The following ATP13A4 variants were observed in gnomAD, a reference collection of about 807,000 sequenced individuals.
The protein encoded by ATP13A4 is ATPase 13A4, also known as probable cation-transporting ATPase 13A4.
Under a neutral mutation model 142.5 loss-of-function variants are expected in ATP13A4, and 114 were observed. The ratio of observed to expected loss-of-function variants is 0.80; its 90% CI spans 0.69 to 0.93. The LOEUF is 0.93. Ranked by LOEUF, ATP13A4 falls within the 40% of genes least tolerant of loss-of-function variation. The pLI is 0.00. For missense variants in ATP13A4, 1,392 were observed against 1,454.0 expected, an observed-to-expected ratio of 0.96 and a Z score of 0.69; for synonymous variants, 488 against 514.8, an observed-to-expected ratio of 0.95 and a Z score of 0.70.
At chr3:193,572,796 C>T (rs2108742033) in intron 2 of ATP13A4, among the ~76,000 whole-genome samples, 1 of 151,884 alleles carries the variant, frequency 6.6e-6, no homozygotes, top group African/African-American at 2.4e-5. Flanking sequence ...ATGTAAAGGG[C>T]AGGAGGGCAG....
At chr3:193,473,427 G>A (rs1718736462) in intron 8 of ATP13A4, among the ~76,000 whole-genome samples, 1 of 152,118 alleles carries the variant, frequency 6.6e-6, no homozygotes, top group African/African-American at 2.4e-5. Flanking sequence ...CATTAGAAAA[G>A]TCATCATTTG....
At chr3:193,495,347 C>G (rs557552219) in intron 3 of ATP13A4, among the ~76,000 whole-genome samples, 11 of 152,070 alleles carry the variant, frequency 7.2e-5, no homozygotes, top group African/African-American at 2.6e-4. Flanking sequence ...CAAAAATTGT[C>G]AACAAAATTA....
intron 1 of ATP13A4, among the ~76,000 whole-genome samples, chr3:193,537,589 A>C (rs958949471): frequency 3.3e-5 from 5 of 152,206 alleles, no homozygotes; most frequent in Non-Finnish European, 4.4e-5. Context: ...AAAAATTGAC[A>C]AATTGGACTT....
chr3:193,515,020 G>A, intron 1 of ATP13A4, 149 bp from the exon 2 acceptor site: 1 of 824,106 alleles, frequency 1.2e-6, no homozygotes, highest in East Asian at 2.7e-5. Context: ...AGAGAGTGGA[G>A]AGGAAATCTT....
At chr3:193,552,420 G>A (rs924372637) in intron 1 of ATP13A4, among the ~76,000 whole-genome samples, 4 of 152,116 alleles carry the variant, frequency 2.6e-5, no homozygotes, top group Admixed American at 6.5e-5. Context: ...GAGAAATTAC[G>A]TTTGCAAAGG....
At chr3:193,587,315 C>G (rs1724688847) in intron 1 of ATP13A4, among the ~76,000 whole-genome samples, 1 of 152,234 alleles carries the variant, frequency 6.6e-6, no homozygotes, top group Admixed American at 6.5e-5. Context: ...TTGCTTATTC[C>G]ATCTTCTGGT....
At chr3:193,581,050 C>T (rs1321075360) in intron 2 of ATP13A4, among the ~76,000 whole-genome samples, 1 of 152,114 alleles carries the variant, frequency 6.6e-6, no homozygotes, top group Non-Finnish European at 1.5e-5. Context: ...TTGCTCACAT[C>T]GTTAACCTAT....
At chr3:193,559,049 G>C (rs993318810), upstream of ATP13A4, among the ~76,000 whole-genome samples, 1 of 152,218 alleles carries the variant, frequency 6.6e-6, no homozygotes, top group South Asian at 2.1e-4. Flanking sequence ...TTCTCTGCCA[G>C]GGCCGTGGGG....
chr3:193,541,213 C>T (rs1168744245), intron 1 of ATP13A4, among the ~76,000 whole-genome samples: 3 of 137,590 alleles, frequency 2.2e-5, no homozygotes, highest in South Asian at 2.3e-4. Flanking sequence ...CGAGCCACTG[C>T]ACTCCAGCCT....
chr3:193,554,942 A>G (rs775369551), upstream of ATP13A4: 30 of 1,591,236 alleles, frequency 1.9e-5, no homozygotes, highest in Admixed American at 3.4e-5. Flanking sequence ...TTGAGCACAC[A>G]CCTTCTCTCA....
At chr3:193,420,055 C>T (rs867555213) in intron 25 of ATP13A4, among the ~76,000 whole-genome samples, 1 of 149,944 alleles carries the variant, frequency 6.7e-6, no homozygotes, top group African/African-American at 2.5e-5. Flanking sequence ...GTACCCTGCT[C>T]CCTGGTCCCA....
chr3:193,461,990 G>C lies in ATP13A4; in HGVS notation c.1523+772C>G, dbSNP rs1213767658. Among the ~76,000 whole-genome samples, 10 of 152,272 alleles carry C rather than the reference G, an allele frequency of 6.6e-5. No homozygotes were observed. In the East Asian group the frequency reaches 1.9e-3, roughly 29 times the overall value. On this transcript the variant is annotated intron_variant, in intron 13 of 29. Coordinates refer to ENST00000342695, the MANE Select transcript of ATP13A4 (RefSeq NM_032279.4). Reference sequence around the variant, plus strand: ...TAATCCCAACACTTCAGGAGGCCGAGGTGGACGGATCACCTGAGGTCAGGA... The same window carrying C: ...TAATCCCAACACTTCAGGAGGCCGACGTGGACGGATCACCTGAGGTCAGGA...
chr3:193,577,641 T>C (rs1052485006), intron 2 of ATP13A4, among the ~76,000 whole-genome samples: 3 of 152,220 alleles, frequency 2.0e-5, no homozygotes, highest in Non-Finnish European at 2.9e-5. Context: ...GAAACCATAC[T>C]GTCTACACTG....
At chr3:193,550,362 A>G (rs902340603) in intron 1 of ATP13A4, among the ~76,000 whole-genome samples, 1 of 144,820 alleles carries the variant, frequency 6.9e-6, no homozygotes, top group African/African-American at 2.6e-5. Flanking sequence ...GCTGGAGTGC[A>G]CTGATATGAT....
rs1405208501 is a variant in ATP13A4 at position 193,474,498 on chromosome 3, T to C, written c.809-3505A>G. Among the ~76,000 whole-genome samples, 5 of 149,702 alleles carry C rather than the reference T, an allele frequency of 3.3e-5. No individual in the cohort carries two copies. In the East Asian group the frequency reaches 7.8e-4, roughly 23 times the overall value. On this transcript the variant is annotated intron_variant, in intron 8 of 29. Coordinates refer to ENST00000342695, the MANE Select transcript of ATP13A4 (RefSeq NM_032279.4). ...CTGCAGTGAGCTATGACTGCACCAT[T>C]GCACTCCAGTTGGGCAACAGTGCAA...
intron 3 of ATP13A4, among the ~76,000 whole-genome samples, chr3:193,500,923 C>T (rs528408970): frequency 6.6e-6 from 1 of 152,026 alleles, no homozygotes; most frequent in East Asian, 1.9e-4. Context: ...TCATAACAGC[C>T]CTGAGAAAGG....
intron 2 of ATP13A4, among the ~76,000 whole-genome samples, chr3:193,560,438 G>A (rs1186159385): frequency 6.6e-6 from 1 of 152,092 alleles, no homozygotes; most frequent in Non-Finnish European, 1.5e-5. Context: ...TGAACCCTGA[G>A]CAAAAGCCAT....
intron 8 of ATP13A4, 73 bp from the exon 9 acceptor site, chr3:193,471,066 T>C: frequency 1.9e-6 from 3 of 1,592,548 alleles, no homozygotes; most frequent in South Asian, 2.2e-5. Context: ...CTATTTAACT[T>C]GGATATCAAT....
chr3:193,440,445 G>A lies in ATP13A4; in HGVS notation c.2519+113C>T, dbSNP rs756391116. On this transcript the variant is annotated intron_variant, in intron 21 of 29. Coordinates refer to ENST00000342695, the MANE Select transcript of ATP13A4 (RefSeq NM_032279.4). Reference sequence around the variant, plus strand: ...TCCCAAGTGATTATCTCATGCAGCCGAAGTACGGACCACTGCCCTTGTCAA... The same window carrying A: ...TCCCAAGTGATTATCTCATGCAGCCAAAGTACGGACCACTGCCCTTGTCAA... 691 of 1,557,230 alleles carry A rather than the reference G, an allele frequency of 4.4e-4. 4 individuals are homozygous for A. The highest frequency in any genetic ancestry group is 5.7e-4 in the East Asian group (25 of 43,536).
Sources: gnomAD v4.1 joint callset for allele counts (sites outside exome capture counted in the v4.1 genomes callset) on GRCh38, gnomAD v4.1.1 for gene constraint, MANE v1.5 for transcripts, NCBI Gene and HGNC (gene_info 2026-07-23, HGNC 2026-07-21) for gene names.